SCAF11: variants seen among roughly 807,000 people sequenced by gnomAD.
SCAF11 encodes SR-related CTD associated factor 11.
A neutral mutation model predicts 140.5 loss-of-function variants in SCAF11; 47 were observed. The observed-to-expected ratio is 0.33, with a 90% confidence interval of 0.26 to 0.43. SCAF11 has a LOEUF of 0.43. Ranked by LOEUF, SCAF11 falls within the 20% of genes least tolerant of loss-of-function variation. The pLI, the probability that SCAF11 is intolerant of heterozygous loss-of-function variation, is 1.00. For synonymous variants in SCAF11, 557 were observed against 579.4 expected (o/e 0.96, Z 0.55); for missense variants, 1,645 against 1,705.1 (o/e 0.96, Z 0.62).
In SCAF11 at chr12:45,926,706, C is replaced by G; in HGVS notation, c.2995G>C (p.Glu999Gln). Residue 999 changes from glutamate to glutamine, a missense_variant, in exon 11 of 15, where the codon GAA becomes CAA. Transcript: ENST00000369367. ...GCATCTAGATGGATGTCATTTTTTT[C>G]TTTTCTTGTATTTTCATTCTGTTTC... is the stretch of plus-strand genomic sequence containing the variant. The part of the protein sequence containing the change: ...PEKQNENTRK[E>Q]KNDIHLDADD... 6.2e-7 allele frequency: 1 copy of G among 1,610,296 alleles called. No individual in the cohort carries two copies. Among genetic ancestry groups the G allele is most frequent in the Non-Finnish European group, 8.5e-7 (1 of 1,179,078 alleles).
At chr12:45,952,612 T>C (rs1417181144) in intron 3 of SCAF11, among the ~76,000 whole-genome samples, 1 of 152,216 alleles carries the variant, frequency 6.6e-6, no homozygotes. Flanking sequence ...TTATTTCCTG[T>C]CCTTTTAAAA....
upstream of SCAF11, among the ~76,000 whole-genome samples, chr12:45,991,343 T>C (rs1296378489): frequency 6.6e-6 from 1 of 152,192 alleles, no homozygotes; most frequent in East Asian, 1.9e-4. Context: ...GGCTGGCGGA[T>C]CGCTTGAGCT....
At position 45,990,398 on chromosome 12, in the gene SCAF11, A is replaced by G. The variant is rs1253992367; in HGVS notation, c.-67T>C. Reference sequence around the variant, plus strand: ...CTCGGTCCGGCCGCGGCCCCACAGTAGGTTCCCAGGTCCCAGTCACTCCGC... The same window carrying G: ...CTCGGTCCGGCCGCGGCCCCACAGTGGGTTCCCAGGTCCCAGTCACTCCGC... On this transcript the variant is annotated 5_prime_UTR_variant, in exon 1 of 15. Transcript: ENST00000369367. 6.5e-6 allele frequency: 8 copies of G among 1,232,286 alleles called. No individual in the cohort carries two copies. Among genetic ancestry groups the G allele is most frequent in the Non-Finnish European group, 5.1e-6 (5 of 988,654 alleles). The allele number at this position is 1,232,286 out of a possible 1,614,324, so 76.3% of individuals were successfully genotyped here.
chr12:45,961,711 T>G lies in SCAF11; in HGVS notation c.208A>C (p.Lys70Gln). Residue 70 changes from lysine (K) to glutamine (Q), a missense_variant, in exon 3 of 15, where the codon AAA becomes CAA. By Grantham distance (53) the Lys-to-Gln change is moderately conservative. Coordinates refer to ENST00000369367, the MANE Select transcript of SCAF11 (RefSeq NM_004719.3). ...TGTGTCAGACTTACCTCTGCCCATTTAAGAATACAAGTCATACAGAAGACA... is the reference window on the plus strand; with the variant it reads ...TGTGTCAGACTTACCTCTGCCCATTGAAGAATACAAGTCATACAGAAGACA... ...NHVFCMTCIL[K>Q]WAETLASCPI... 2 of 1,610,304 alleles carry G rather than the reference T, an allele frequency of 1.2e-6. No individual in the cohort carries two copies. The highest frequency in any genetic ancestry group is 8.5e-7 in the Non-Finnish European group (1 of 1,178,476).
At chr12:45,981,048 T>C (rs1946337847) in intron 1 of SCAF11, among the ~76,000 whole-genome samples, 1 of 152,196 alleles carries the variant, frequency 6.6e-6, no homozygotes, top group African/African-American at 2.4e-5. Context: ...TCAAAGAGTA[T>C]ATATAGTTGG....
intron 3 of SCAF11, among the ~76,000 whole-genome samples, chr12:45,954,475 G>A (rs1238297754): frequency 1.3e-5 from 2 of 151,880 alleles, no homozygotes; most frequent in Non-Finnish European, 2.9e-5. Flanking sequence ...GGGCTTAAGC[G>A]ATCAACCTGC....
chr12:45,950,595 C>T (rs1273445336), intron 4 of SCAF11, among the ~76,000 whole-genome samples: 1 of 152,152 alleles, frequency 6.6e-6, no homozygotes, highest in Non-Finnish European at 1.5e-5. Flanking sequence ...GCCACACTTA[C>T]TATATTACAC....
chr12:45,926,009 G>A, intron 11 of SCAF11, 133 bp downstream of exon 11: 1 of 846,500 alleles, frequency 1.2e-6, no homozygotes, highest in African/African-American at 1.7e-5. Context: ...AATGCTAAGT[G>A]ACTTGTAAAC....
rs150900606 is a variant in SCAF11 at position 45,926,670 on chromosome 12, T to C, written c.3031A>G (p.Asn1011Asp). The C allele has an allele frequency of 2.1e-3, 3,410 of 1,613,892 alleles. 7 individuals carry two copies. Among genetic ancestry groups the C allele is most frequent in the Non-Finnish European group, 2.6e-3 (3,060 of 1,180,014 alleles). ...NDIHLDADDP[N>D]SADKHRNDCP... is the part of the protein sequence containing the mutation. ...TCATTTCTATGTTTGTCAGCAGAAT[T>C]TGGATCATCAGCATCTAGATGGATG... The change falls in exon 11 of 15, where the codon AAT (asparagine) becomes GAT (aspartate). Residue 1011 changes from asparagine to aspartate, a missense_variant. Physicochemically the swap from Asn to Asp is conservative, Grantham distance 23. Coordinates refer to ENST00000369367, the MANE Select transcript of SCAF11 (RefSeq NM_004719.3).
chr12:45,975,759 G>C (rs1946219093), intron 1 of SCAF11: 2 of 152,188 alleles, frequency 1.3e-5, no homozygotes, highest in African/African-American at 4.8e-5. Flanking sequence ...GGAGGTCCAA[G>C]GAGAAGGGGA....
intron 10 of SCAF11, chr12:45,929,917 C>T (rs1208884599): frequency 6.6e-6 from 1 of 152,182 alleles, no homozygotes; most frequent in Non-Finnish European, 1.5e-5. Flanking sequence ...ACCCCCAACA[C>T]AGTCAAAAAT....
At chr12:45,986,853 T>G (rs1473566297) in intron 1 of SCAF11, among the ~76,000 whole-genome samples, 2 of 152,240 alleles carry the variant, frequency 1.3e-5, no homozygotes, top group East Asian at 1.9e-4. Context: ...ATGTAAGAAG[T>G]GCCCTTCTCC....
At position 45,975,454 on chromosome 12, in the gene SCAF11, C is replaced by G. The variant is rs116586892; in HGVS notation, c.-21-11266G>C. ...ATGTTAGCTAGGTCTTCTGGATAAC[C>G]TGATGCAGCTTCCGCATCACCACTT... On this transcript the variant is annotated intron_variant, in intron 1 of 14. Transcript: ENST00000369367. 8.4e-3 allele frequency: 1,315 copies of G among 157,480 alleles called. 16 individuals are homozygous for G. Among genetic ancestry groups the G allele is most frequent in the African/African-American group, 0.028 (1,164 of 41,636 alleles). 9.8% of individuals were successfully genotyped at this position (157,480 alleles called of 1,614,324 possible). A position where few individuals can be genotyped will look rare whatever the true frequency, so the allele number is the denominator to read the frequency against.
intron 1 of SCAF11, among the ~76,000 whole-genome samples, chr12:45,989,545 T>A (rs1272751505): frequency 2.0e-5 from 3 of 152,248 alleles, no homozygotes; most frequent in Non-Finnish European, 4.4e-5. Flanking sequence ...AAATCAGGCG[T>A]CTACTTTTGA....
In SCAF11 at chr12:45,977,808, T is replaced by A. The variant is rs146170847; in HGVS notation, c.-22+12545A>T. Among the ~76,000 whole-genome samples, 1,092 of 152,202 alleles carry A rather than the reference T, an allele frequency of 7.2e-3. 10 individuals are homozygous for A. The highest frequency in any genetic ancestry group is 0.025 in the African/African-American group (1,033 of 41,516). ...TTTTATCTCTGCTTTCTCCATTTCT[T>A]CAGCACTGACAGTTCTGAGAGACAA... is the stretch of plus-strand genomic sequence containing the variant. On this transcript the variant is annotated intron_variant, in intron 1 of 14. Transcript: ENST00000369367.
At chr12:45,934,386 G>A (rs1338898770) in intron 7 of SCAF11, 61 bp downstream of exon 7, 6 of 1,380,738 alleles carry the variant, frequency 4.3e-6, no homozygotes, top group Non-Finnish European at 6.1e-6. Context: ...GGTTATTTAT[G>A]GACTAAATAA....
intron 1 of SCAF11, among the ~76,000 whole-genome samples, chr12:45,978,244 C>A (rs1056113655): frequency 3.3e-5 from 5 of 152,118 alleles, no homozygotes; most frequent in African/African-American, 9.7e-5. Context: ...CCCACCCCTG[C>A]TTAAGTTATG....
chr12:45,923,890 A>T (rs1944776975), intron 12 of SCAF11, among the ~76,000 whole-genome samples: 2 of 150,308 alleles, frequency 1.3e-5, no homozygotes, highest in South Asian at 4.2e-4. Flanking sequence ...TTGCTCTGTC[A>T]CCCAGGCTGG....
intron 4 of SCAF11, among the ~76,000 whole-genome samples, chr12:45,949,210 T>C (rs1945493731): frequency 6.6e-6 from 1 of 152,126 alleles, no homozygotes; most frequent in Admixed American, 6.6e-5. Context: ...GCTCTTAAGA[T>C]AGACTAGATC....
Sources: gnomAD v4.1 joint callset for allele counts (sites outside exome capture counted in the v4.1 genomes callset) on GRCh38, gnomAD v4.1.1 for gene constraint, MANE v1.5 for transcripts, NCBI Gene and HGNC (gene_info 2026-07-23, HGNC 2026-07-21) for gene names.